Variants in KCNMA1 observed in about 807,000 individuals in gnomAD.
KCNMA1 encodes potassium calcium-activated channel subfamily M alpha 1, also known as Calcium-activated potassium channel subunit alpha-1.
In KCNMA1, 29 loss-of-function variants were observed where a neutral mutation model predicts 140.0. That is an observed-to-expected ratio of 0.21 (90% CI 0.15 to 0.28). The LOEUF (loss-of-function observed/expected upper bound fraction) is 0.28, where lower values mean the gene tolerates loss of function less well. KCNMA1 is among the 10% of genes least tolerant of loss of function. The probability of loss-of-function intolerance (pLI) is 1.00; values close to 1 mark genes in which losing one functional copy is unlikely to be tolerated. For synonymous variants in KCNMA1, 612 were observed against 611.9 expected, an observed-to-expected ratio of 1.00 and a Z score of 0.00; for missense variants, 880 against 1,602.2, an observed-to-expected ratio of 0.55 and a Z score of 7.70.
intron 3 of KCNMA1, among the ~76,000 whole-genome samples, chr10:77,211,089 A>G (rs2045901984): frequency 6.6e-6 from 1 of 152,198 alleles, no homozygotes; most frequent in Admixed American, 6.5e-5. Flanking sequence ...GACTCCATAA[A>G]AGAGCCTGAG....
chr10:76,909,109 C>G (rs565076411), intron 25 of KCNMA1, among the ~76,000 whole-genome samples: 106 of 152,364 alleles, frequency 7.0e-4, no homozygotes, highest in Non-Finnish European at 1.2e-3. Context: ...CCAGCCAGGC[C>G]TTGCCTCCAT....
Position 77,321,918 on chromosome 10 carries a change from T to C in KCNMA1, c.541-70662A>G, listed in dbSNP as rs1173716316. ...CACAAGGGAGTACGCTTCAGGATGA[T>C]ACCAACTGCATTAATCAGGATAGAC... On this transcript the variant is annotated intron_variant, in intron 2 of 27. Transcript: ENST00000286628. Among the ~76,000 whole-genome samples the C allele has an allele frequency of 4.6e-5, 7 of 152,188 alleles. No homozygotes were observed. In the East Asian group the frequency reaches 1.2e-3, roughly 25 times the overall value.
chr10:77,272,429 TTGTGTATA>T, intron 2 of KCNMA1, among the ~76,000 whole-genome samples: 1 of 152,314 alleles, frequency 6.6e-6, no homozygotes, highest in East Asian at 1.9e-4. Context: ...TTAACTATTT[TTGTGTATA>T]TGTCTTATCT....
At chr10:77,600,705 C>T (rs1603638163) in intron 1 of KCNMA1, among the ~76,000 whole-genome samples, 1 of 152,080 alleles carries the variant, frequency 6.6e-6, no homozygotes, top group Non-Finnish European at 1.5e-5. Context: ...TGAGGTCACG[C>T]CATTGCACTG....
At chr10:77,375,658 A>G (rs897325360) in intron 2 of KCNMA1, among the ~76,000 whole-genome samples, 1 of 152,130 alleles carries the variant, frequency 6.6e-6, no homozygotes, top group African/African-American at 2.4e-5. Context: ...ACAGGCACAG[A>G]CCCCCTTCAA....
At chr10:77,520,253 G>GTA (rs2052788519) in intron 1 of KCNMA1, among the ~76,000 whole-genome samples, 2 of 132,322 alleles carry the variant, frequency 1.5e-5, no homozygotes, top group Admixed American at 7.8e-5. Flanking sequence ...GAGGTCTGGG[G>GTA]TGTGCAGTGT....
At chr10:77,235,159 G>T (rs571739135) in intron 3 of KCNMA1, among the ~76,000 whole-genome samples, 1 of 152,158 alleles carries the variant, frequency 6.6e-6, no homozygotes, top group Admixed American at 6.5e-5. Context: ...AAATATTAGG[G>T]CTTGGCCTCA....
At chr10:77,533,732 T>G (rs145950832) in intron 1 of KCNMA1, among the ~76,000 whole-genome samples, 3 of 152,180 alleles carry the variant, frequency 2.0e-5, no homozygotes, top group African/African-American at 7.2e-5. Flanking sequence ...GAACTCCCCC[T>G]GCTTAGGCTT....
chr10:77,633,776 ACT>A (rs1164724181), intron 1 of KCNMA1, among the ~76,000 whole-genome samples: 1 of 152,106 alleles, frequency 6.6e-6, no homozygotes, highest in African/African-American at 2.4e-5. Context: ...AATGGAAATA[ACT>A]CTATGCCCAG....
intron 1 of KCNMA1, among the ~76,000 whole-genome samples, chr10:77,588,705 C>A (rs1311920983): frequency 6.6e-6 from 1 of 152,228 alleles, no homozygotes; most frequent in African/African-American, 2.4e-5. Flanking sequence ...ATATTATCTT[C>A]TTTCTGTAGA....
chr10:77,402,893 T>G (rs1278638541), intron 2 of KCNMA1, among the ~76,000 whole-genome samples: 1 of 152,080 alleles, frequency 6.6e-6, no homozygotes, highest in Non-Finnish European at 1.5e-5. Context: ...GCTTCCAGAA[T>G]CACAATGAGA....
At chr10:77,480,989 G>A (rs924474391) in intron 1 of KCNMA1, among the ~76,000 whole-genome samples, 4 of 151,236 alleles carry the variant, frequency 2.6e-5, no homozygotes, top group Non-Finnish European at 4.4e-5. Context: ...AGGTAGTGGC[G>A]GGCGCCTGTA....
chr10:76,960,551 G>C (rs1565204209), intron 20 of KCNMA1, among the ~76,000 whole-genome samples: 1 of 137,412 alleles, frequency 7.3e-6, no homozygotes, highest in Admixed American at 7.6e-5. Flanking sequence ...AAAAAAAGAA[G>C]AAGAACATAG....
intron 23 of KCNMA1, among the ~76,000 whole-genome samples, chr10:76,936,404 T>A (rs66593464): frequency 0.059 from 8,975 of 152,282 alleles, 514 homozygotes; most frequent in African/African-American, 0.14. Context: ...CAGTGTGGTA[T>A]TTATAAATCT....
At chr10:77,545,244 A>G (rs975509311) in intron 1 of KCNMA1, among the ~76,000 whole-genome samples, 1 of 152,226 alleles carries the variant, frequency 6.6e-6, no homozygotes, top group African/African-American at 2.4e-5. Flanking sequence ...GGTGTGGATA[A>G]AGTAATTTAT....
intron 2 of KCNMA1, among the ~76,000 whole-genome samples, chr10:77,388,307 G>A (rs985707679): frequency 4.6e-5 from 7 of 152,108 alleles, no homozygotes; most frequent in African/African-American, 7.2e-5. Flanking sequence ...TTTACTTTAC[G>A]TTCCCCCATT....
intron 25 of KCNMA1, among the ~76,000 whole-genome samples, chr10:76,899,225 G>C (rs1255025948): frequency 6.6e-6 from 1 of 152,044 alleles, no homozygotes; most frequent in South Asian, 2.1e-4. Flanking sequence ...TAAAATTGTT[G>C]TTTGACATAT....
At chr10:77,222,368 C>T (rs2049968555) in intron 3 of KCNMA1, among the ~76,000 whole-genome samples, 1 of 152,202 alleles carries the variant, frequency 6.6e-6, no homozygotes, top group Non-Finnish European at 1.5e-5. Flanking sequence ...ACCCTCTATT[C>T]TCCTACTGTC....
At chr10:77,302,780 G>C (rs916802069) in intron 2 of KCNMA1, among the ~76,000 whole-genome samples, 3 of 152,120 alleles carry the variant, frequency 2.0e-5, no homozygotes, top group African/African-American at 7.2e-5. Context: ...AAAGGCAACA[G>C]TGTAAAAACC....
Sources: allele counts gnomAD v4.1 joint callset (sites outside exome capture counted in the v4.1 genomes callset), GRCh38; gene constraint gnomAD v4.1.1; transcripts MANE v1.5; gene names NCBI Gene and HGNC (gene_info 2026-07-23, HGNC 2026-07-21).